RPIA: variants seen among roughly 807,000 people sequenced by gnomAD.
RPIA encodes the protein ribose 5-phosphate isomerase A.
In RPIA, 29 loss-of-function variants were observed where a neutral mutation model predicts 37.8. The observed-to-expected ratio is 0.77, with a 90% CI of 0.57 to 1.05. The LOEUF is 1.05. Among genes scored for constraint, RPIA ranks in the 50% least tolerant of loss-of-function variants. The probability of loss-of-function intolerance (pLI) is 0.00; values close to 1 mark genes in which losing one functional copy is unlikely to be tolerated. For synonymous variants in RPIA, 167 were observed against 157.0 expected (o/e 1.06, Z -0.48); for missense variants, 385 against 413.6 (o/e 0.93, Z 0.60).
At chr2:88,699,909 A>G (rs1672806807) in intron 2 of RPIA, 100 bp from the exon 3 acceptor site, 7 of 1,294,306 alleles carry the variant, frequency 5.4e-6, no homozygotes, top group East Asian at 2.3e-5. Flanking sequence ...TCTTTGGGAA[A>G]TAGACCTTCC....
intron 3 of RPIA, among the ~76,000 whole-genome samples, chr2:88,704,734 A>G (rs1308428816): frequency 6.6e-6 from 1 of 152,234 alleles, no homozygotes; most frequent in Non-Finnish European, 1.5e-5. Context: ...GCCATCAGGC[A>G]AGAGAAAGAA....
chr2:88,701,049 G>A (rs1672825897), intron 3 of RPIA, among the ~76,000 whole-genome samples: 1 of 152,160 alleles, frequency 6.6e-6, no homozygotes, highest in African/African-American at 2.4e-5. Flanking sequence ...CTGGTGAAGG[G>A]AGAGAGGTTA....
intron 3 of RPIA, among the ~76,000 whole-genome samples, chr2:88,701,547 A>G (rs1367230031): frequency 2.0e-3 from 8 of 4,016 alleles, no homozygotes; most frequent in African/African-American, 0.01. Context: ...CACTCTTATT[A>G]CCTCCCACCC....
chr2:88,707,190 C>G (rs566663907), intron 3 of RPIA, among the ~76,000 whole-genome samples: 3 of 152,306 alleles, frequency 2.0e-5, no homozygotes, highest in African/African-American at 7.2e-5. Context: ...GATTTACCTT[C>G]TTAACAATAG....
intron 3 of RPIA, among the ~76,000 whole-genome samples, chr2:88,703,417 T>C (rs1166453107): frequency 6.6e-6 from 1 of 152,242 alleles, no homozygotes; most frequent in Non-Finnish European, 1.5e-5. Context: ...TTCTGAAATC[T>C]AGACAGAGGT....
intron 3 of RPIA, among the ~76,000 whole-genome samples, chr2:88,722,039 C>G (rs1374801366): frequency 6.9e-6 from 1 of 145,626 alleles, no homozygotes; most frequent in Non-Finnish European, 1.5e-5. Context: ...CTTGGACTTT[C>G]TGGTTTGTCC....
intron 8 of RPIA, among the ~76,000 whole-genome samples, chr2:88,741,146 T>G (rs1476740522): frequency 6.6e-6 from 1 of 152,208 alleles, no homozygotes; most frequent in Non-Finnish European, 1.5e-5. Context: ...TCTGAGATTT[T>G]GTTGCACCCA....
At chr2:88,717,860 G>A (rs973703414) in intron 3 of RPIA, among the ~76,000 whole-genome samples, 21 of 152,068 alleles carry the variant, frequency 1.4e-4, no homozygotes, top group Non-Finnish European at 2.1e-4. Context: ...AATAGGGGGA[G>A]GAAGGGAGAA....
At chr2:88,706,703 T>TAA (rs1217748694) in intron 3 of RPIA, among the ~76,000 whole-genome samples, 1 of 143,174 alleles carries the variant, frequency 7.0e-6, no homozygotes, top group African/African-American at 2.5e-5. Flanking sequence ...AATTTTAAAT[T>TAA]AAAAAAAAAA....
At chr2:88,701,487 A>G (rs1473958) in intron 3 of RPIA, among the ~76,000 whole-genome samples, 65,391 of 151,824 alleles carry the variant, frequency 0.43, 14,695 homozygotes, top group African/African-American at 0.55. Context: ...TAAAAGAAAA[A>G]AAAGCACACT....
intron 3 of RPIA, among the ~76,000 whole-genome samples, chr2:88,724,942 A>G (rs1178745021): frequency 1.3e-5 from 2 of 152,118 alleles, no homozygotes; most frequent in African/African-American, 4.8e-5. Context: ...ATAAAACTAC[A>G]TTTTCAGGTT....
At chr2:88,697,754 C>T (rs1245070248) in intron 1 of RPIA, among the ~76,000 whole-genome samples, 1 of 152,234 alleles carries the variant, frequency 6.6e-6, no homozygotes, top group East Asian at 1.9e-4. Flanking sequence ...CCTTTGCCCT[C>T]TTTCCATTTT....
chr2:88,749,092 GC>G (rs1240435199), intron 8 of RPIA, among the ~76,000 whole-genome samples: 1 of 152,178 alleles, frequency 6.6e-6, no homozygotes, highest in Non-Finnish European at 1.5e-5. Flanking sequence ...TAGGAAAAGT[GC>G]CACTATCAAC....
chr2:88,749,123 A>G lies in RPIA; in HGVS notation c.839-858A>G, dbSNP rs111348840. Reference sequence around the variant, plus strand: ...ATCAACATCTTACACATGTCTTTTGATGACCAAATGTATGCCTAACAGTTG... The same window carrying G: ...ATCAACATCTTACACATGTCTTTTGGTGACCAAATGTATGCCTAACAGTTG... On this transcript the variant is annotated intron_variant, in intron 8 of 8. Coordinates refer to ENST00000283646, the MANE Select transcript of RPIA (RefSeq NM_144563.3). 6.3e-3 allele frequency among the ~76,000 whole-genome samples: 957 copies of G among 152,336 alleles called. 18 individuals are homozygous for G. The highest frequency in any genetic ancestry group is 0.022 in the African/African-American group (908 of 41,588).
At position 88,750,170 on chromosome 2, in the gene RPIA, C is replaced by CTGGACAAGT. The variant is rs936613927; in HGVS notation, c.*94_*95insGACAAGTTG. The CTGGACAAGT allele has an allele frequency of 1.2e-4, 95 of 799,654 alleles. No homozygotes were observed. The highest frequency in any genetic ancestry group is 1.7e-4 in the Non-Finnish European group (78 of 469,932). The allele number at this position is 799,654 out of a possible 1,614,324, so 49.5% of individuals were successfully genotyped here. A position where few individuals can be genotyped will look rare whatever the true frequency, so the allele number is the denominator to read the frequency against. On this transcript the variant is annotated 3_prime_UTR_variant, in exon 9 of 9. Coordinates refer to ENST00000283646, the MANE Select transcript of RPIA (RefSeq NM_144563.3). The stretch of plus-strand genomic sequence containing the variant: ...CAGGAGCCTTTGCCTTAATGTATCT[C>CTGGACAAGT]TGCCTGGACAACTTGTGGTGGGGGG...
intron 1 of RPIA, among the ~76,000 whole-genome samples, chr2:88,698,084 C>CTTTTTTTT (rs551033597): frequency 7.2e-6 from 1 of 138,010 alleles, no homozygotes; most frequent in Non-Finnish European, 1.6e-5. Context: ...TTCTTTCTTT[C>CTTTTTTTT]TTTTTTTTTT....
At chr2:88,694,253 A>C (rs768848324) in intron 1 of RPIA, among the ~76,000 whole-genome samples, 4 of 152,218 alleles carry the variant, frequency 2.6e-5, no homozygotes, top group Non-Finnish European at 5.9e-5. Flanking sequence ...ATTTGATTCC[A>C]AGGCAGCAGG....
In RPIA at chr2:88,719,725, AT is replaced by A. The variant is rs375432391; in HGVS notation, c.403-9550del. 2.7e-3 allele frequency among the ~76,000 whole-genome samples: 406 copies of A among 152,258 alleles called. 2 individuals carry two copies. Among genetic ancestry groups the A allele is most frequent in the African/African-American group, 9.2e-3 (383 of 41,558 alleles). On this transcript the variant is annotated intron_variant, in intron 3 of 8. Coordinates refer to ENST00000283646, the MANE Select transcript of RPIA (RefSeq NM_144563.3). ...CTAATCAAAACATGAAGCTAATTAAATTTGTTTTCCAAAATGTATAAACAAT... is the reference window on the plus strand; with the variant it reads ...CTAATCAAAACATGAAGCTAATTAAATTGTTTTCCAAAATGTATAAACAAT...
intron 6 of RPIA, among the ~76,000 whole-genome samples, chr2:88,736,253 A>G (rs1306144886): frequency 6.6e-6 from 1 of 152,248 alleles, no homozygotes; most frequent in Non-Finnish European, 1.5e-5. Context: ...GTGTATGTGT[A>G]TATTTACTTG....
Sources: gnomAD v4.1 joint callset for allele counts (sites outside exome capture counted in the v4.1 genomes callset) on GRCh38, gnomAD v4.1.1 for gene constraint, MANE v1.5 for transcripts, NCBI Gene and HGNC (gene_info 2026-07-23, HGNC 2026-07-21) for gene names.